Variants in CCDC150 observed in about 807,000 individuals in gnomAD.
CCDC150 encodes the protein coiled-coil domain containing 150.
Under a neutral mutation model 156.5 loss-of-function variants are expected in CCDC150, and 151 were observed. That is an observed-to-expected ratio of 0.97 (90% CI 0.85 to 1.10). The LOEUF is 1.10. CCDC150 is among the 50% of genes least tolerant of loss of function. The pLI, the probability that CCDC150 is intolerant of heterozygous loss-of-function variation, is 0.00. For synonymous variants in CCDC150, 452 were observed against 429.4 expected (o/e 1.05, Z -0.65); for missense variants, 1,312 against 1,268.1 (o/e 1.03, Z -0.53).
rs1470308746 is a variant in CCDC150 at position 196,692,195 on chromosome 2, C to A, written c.1510-2851C>A. ...CAGGCCGGACTGCGGACTGCAGTGG[C>A]GCAATCTCGGCTCACTGCAAGCTCC... On this transcript the variant is annotated intron_variant, in intron 13 of 27. Coordinates refer to ENST00000389175, the MANE Select transcript of CCDC150 (RefSeq NM_001080539.2). 4.3e-5 allele frequency among the ~76,000 whole-genome samples: 6 copies of A among 139,556 alleles called. No homozygotes were observed. The South Asian group carries it at 1.4e-3, about 32-fold the overall frequency. 91.6% of individuals were successfully genotyped at this position (139,556 alleles called of 152,430 possible).
At chr2:196,700,998 T>A in intron 14 of CCDC150, 111 bp from the exon 15 acceptor site, 4 of 703,398 alleles carry the variant, frequency 5.7e-6, no homozygotes, top group Non-Finnish European at 9.5e-6. Flanking sequence ...TAAATAGGAA[T>A]CTTGATCTTA....
At chr2:196,669,478 G>A (rs866843515) in intron 7 of CCDC150, among the ~76,000 whole-genome samples, 6 of 152,076 alleles carry the variant, frequency 3.9e-5, no homozygotes, top group South Asian at 2.1e-4. Flanking sequence ...GGTCCTCATC[G>A]TCATTACTTT....
intron 15 of CCDC150, among the ~76,000 whole-genome samples, chr2:196,703,879 A>G (rs1375674650): frequency 1.3e-5 from 2 of 152,216 alleles, no homozygotes; most frequent in African/African-American, 2.4e-5. Context: ...TCATATTCCT[A>G]TAATAAGAGT....
chr2:196,640,978 G>GT (rs71684272), intron 1 of CCDC150, among the ~76,000 whole-genome samples: 99,667 of 151,644 alleles, frequency 0.66, 33,532 homozygotes, highest in East Asian at 0.92. Context: ...TCTGTTTTTT[G>GT]TTTTTTTGAA....
At chr2:196,732,417 C>T in intron 27 of CCDC150, 29 bp from the exon 28 acceptor site, 6 of 1,498,498 alleles carry the variant, frequency 4.0e-6, no homozygotes, top group Non-Finnish European at 5.6e-6. Context: ...TCTGAACAGT[C>T]AGTGTTAGGT....
In CCDC150 at chr2:196,656,791, A is replaced by T; in HGVS notation, c.335A>T (p.Gln112Leu). The part of the protein sequence containing the change: ...NRMCRLESLM[Q>L]SLKMNIFRLQ... The stretch of plus-strand genomic sequence containing the variant: ...ATGTGCCGTCTTGAAAGCCTCATGC[A>T]GTCCTTGAAGATGAACATCTTTCGG... The change falls in exon 3 of 28, where the codon CAG (glutamine) becomes CTG (leucine). Residue 112 changes from glutamine (Q) to leucine (L), a missense_variant. Physicochemically the swap from Gln to Leu is moderately radical, Grantham distance 113 (BLOSUM62 -2). Transcript: ENST00000389175. The T allele has an allele frequency of 6.2e-7, 1 of 1,613,950 alleles. No homozygotes were observed. Among genetic ancestry groups the T allele is most frequent in the Non-Finnish European group, 8.5e-7 (1 of 1,179,848 alleles).
At chr2:196,639,821 C>G (rs1879128) in intron 1 of CCDC150, 43 bp downstream of exon 1, 1,079,804 of 1,543,960 alleles carry the variant, frequency 0.7, 381,790 homozygotes, top group East Asian at 0.93. Flanking sequence ...TGGTCGGAGG[C>G]TCGCGAGGCT....
intron 1 of CCDC150, among the ~76,000 whole-genome samples, chr2:196,645,126 A>T (rs972153652): frequency 3.9e-5 from 6 of 152,186 alleles, no homozygotes; most frequent in Admixed American, 3.9e-4. Context: ...TCTGCCTCGA[A>T]AAAGAAAAAA....
chr2:196,694,300 C>T (rs545762237), intron 13 of CCDC150, among the ~76,000 whole-genome samples: 1 of 152,160 alleles, frequency 6.6e-6, no homozygotes, highest in Non-Finnish European at 1.5e-5. Context: ...AGGTGATCCA[C>T]CTGCCTCAGC....
At chr2:196,707,808 T>G (rs772462365) in intron 15 of CCDC150, among the ~76,000 whole-genome samples, 4 of 152,222 alleles carry the variant, frequency 2.6e-5, no homozygotes, top group Non-Finnish European at 5.9e-5. Flanking sequence ...TCAGTTTCCA[T>G]GTAGTTGTGC....
At chr2:196,679,638 T>C (rs1005486160) in intron 13 of CCDC150, among the ~76,000 whole-genome samples, 2 of 152,118 alleles carry the variant, frequency 1.3e-5, no homozygotes, top group Admixed American at 6.5e-5. Flanking sequence ...ATATCAAGAG[T>C]TGGATTTCTG....
chr2:196,711,345 G>A (rs1020953054), intron 15 of CCDC150, among the ~76,000 whole-genome samples: 1 of 152,106 alleles, frequency 6.6e-6, no homozygotes, highest in Non-Finnish European at 1.5e-5. Flanking sequence ...AAAATGTCCA[G>A]TAGCTAGTGA....
rs183194600 is a variant in CCDC150, at chr2:196,646,159, G to C, written c.13-182G>C. On this transcript the variant is annotated intron_variant, in intron 1 of 27. Coordinates refer to ENST00000389175, the MANE Select transcript of CCDC150 (RefSeq NM_001080539.2). ...CATCTCATAGGGGAGGGAAAAGAGAGAGATGGTGAAGAACAAGCTGGCTCT... is the reference window on the plus strand; with the variant it reads ...CATCTCATAGGGGAGGGAAAAGAGACAGATGGTGAAGAACAAGCTGGCTCT... Among the ~76,000 whole-genome samples the C allele has an allele frequency of 1.8e-4, 27 of 152,318 alleles. No homozygotes were observed. The East Asian group carries it at 5.2e-3, about 29-fold the overall frequency.
At position 196,732,633 on chromosome 2, in the gene CCDC150, G is replaced by A; in HGVS notation, c.*71G>A. 1 of 1,031,798 alleles carries A rather than the reference G, an allele frequency of 9.7e-7. No homozygotes were observed. Among genetic ancestry groups the A allele is most frequent in the Non-Finnish European group, 1.5e-6 (1 of 659,946 alleles). The allele number at this position is 1,031,798 out of a possible 1,614,324, so 63.9% of individuals were successfully genotyped here. ...TTCCAAGAGCCCAGCAGCCGGGGCT[G>A]GCCTGTTTCTAGAGTCATAAGAACA... On this transcript the variant is annotated 3_prime_UTR_variant, in exon 28 of 28. Transcript: ENST00000389175.
At chr2:196,695,292 G>A in intron 14 of CCDC150, 133 bp downstream of exon 14, 1 of 501,990 alleles carries the variant, frequency 2.0e-6, no homozygotes, top group Non-Finnish European at 3.6e-6. Context: ...GATTCTTACA[G>A]TATTCAAACA....
At chr2:196,718,069 ATACTTC>A (rs1331759709) in intron 17 of CCDC150, among the ~76,000 whole-genome samples, 1 of 152,210 alleles carries the variant, frequency 6.6e-6, no homozygotes, top group East Asian at 1.9e-4. Flanking sequence ...TTCTAATACT[ATACTTC>A]TAATTAGGAT....
chr2:196,702,230 T>C (rs1458451369), intron 15 of CCDC150, among the ~76,000 whole-genome samples: 1 of 151,928 alleles, frequency 6.6e-6, no homozygotes, highest in East Asian at 1.9e-4. Context: ...GCCTGGGTGA[T>C]AGAGTGAGAC....
At chr2:196,657,722 A>G (rs1559219492) in intron 4 of CCDC150, among the ~76,000 whole-genome samples, 1 of 152,190 alleles carries the variant, frequency 6.6e-6, no homozygotes, top group Non-Finnish European at 1.5e-5. Flanking sequence ...TTCTCCCTTC[A>G]TGTCTAGGCA....
intron 1 of CCDC150, among the ~76,000 whole-genome samples, chr2:196,641,044 G>A (rs1436612319): frequency 6.6e-6 from 1 of 152,130 alleles, no homozygotes. Flanking sequence ...CTCACTGCAA[G>A]CTCCGCCTCC....
Sources: gnomAD v4.1 joint callset for allele counts (sites outside exome capture counted in the v4.1 genomes callset) on GRCh38, gnomAD v4.1.1 for gene constraint, MANE v1.5 for transcripts, NCBI Gene and HGNC (gene_info 2026-07-23, HGNC 2026-07-21) for gene names.